Variants in FGGY observed in about 807,000 individuals in gnomAD.
FGGY encodes FGGY carbohydrate kinase domain-containing protein.
Under a neutral mutation model 71.3 loss-of-function variants are expected in FGGY, and 72 were observed. The observed-to-expected ratio is 1.01, with a 90% CI of 0.84 to 1.23. The LOEUF (loss-of-function observed/expected upper bound fraction) is 1.23. Ranked by LOEUF, FGGY falls within the 50% of genes most tolerant of loss-of-function variation. FGGY has a pLI of 0.00. For synonymous variants in FGGY, 251 were observed against 250.3 expected (o/e 1.00, Z -0.02); for missense variants, 668 against 682.3 (o/e 0.98, Z 0.23).
At chr1:59,493,941 T>G (rs2093956740) in intron 6 of FGGY, among the ~76,000 whole-genome samples, 1 of 152,228 alleles carries the variant, frequency 6.6e-6, no homozygotes, top group Non-Finnish European at 1.5e-5. Context: ...CTATTATTTC[T>G]TAGTTTACAG....
intron 1 of FGGY, among the ~76,000 whole-genome samples, chr1:59,307,661 G>C (rs2043653311): frequency 6.6e-6 from 1 of 152,120 alleles, no homozygotes; most frequent in Non-Finnish European, 1.5e-5. Flanking sequence ...GTAAGATGAG[G>C]GTTGGCTCAA....
At chr1:59,676,440 G>C (rs4072736) in intron 14 of FGGY, among the ~76,000 whole-genome samples, 4,748 of 151,482 alleles carry the variant, frequency 0.031, 250 homozygotes, top group African/African-American at 0.11. Flanking sequence ...CAAATCAGGA[G>C]ATAGTCTGTA....
intron 4 of FGGY, among the ~76,000 whole-genome samples, chr1:59,354,271 G>GT (rs998793123): frequency 1.3e-5 from 2 of 152,024 alleles, no homozygotes; most frequent in Non-Finnish European, 2.9e-5. Flanking sequence ...TAGAGATGAG[G>GT]TTTTACCATG....
intron 5 of FGGY, among the ~76,000 whole-genome samples, chr1:59,380,419 A>G (rs2059267795): frequency 1.3e-5 from 2 of 151,548 alleles, no homozygotes; most frequent in South Asian, 4.1e-4. Context: ...CCAACAGTGT[A>G]AAAGTGTTCC....
intron 6 of FGGY, among the ~76,000 whole-genome samples, chr1:59,467,880 C>G (rs1027570235): frequency 6.7e-6 from 1 of 149,710 alleles, no homozygotes. Flanking sequence ...TCAATTGTTT[C>G]TTTCTTGTTT....
chr1:59,652,226 G>A (rs1485827953), intron 11 of FGGY, among the ~76,000 whole-genome samples: 5 of 147,822 alleles, frequency 3.4e-5, no homozygotes, highest in African/African-American at 1.2e-4. Flanking sequence ...TGACAATTAT[G>A]TGTCTTGGAG....
At chr1:59,727,797 T>C (rs2097966623) in intron 14 of FGGY, among the ~76,000 whole-genome samples, 1 of 152,134 alleles carries the variant, frequency 6.6e-6, no homozygotes, top group African/African-American at 2.4e-5. Flanking sequence ...TCTTCTGCTT[T>C]CTTTAGATTT....
At chr1:59,467,132 A>G (rs2092683647) in intron 6 of FGGY, among the ~76,000 whole-genome samples, 1 of 152,222 alleles carries the variant, frequency 6.6e-6, no homozygotes, top group African/African-American at 2.4e-5. Flanking sequence ...CTGAATTAAG[A>G]AAATGTAACA....
intron 13 of FGGY, among the ~76,000 whole-genome samples, chr1:59,672,560 T>C (rs2097390715): frequency 6.6e-6 from 1 of 152,218 alleles, no homozygotes; most frequent in South Asian, 2.1e-4. Flanking sequence ...CCACCCCACC[T>C]GACACCATGT....
intron 8 of FGGY, among the ~76,000 whole-genome samples, chr1:59,598,402 T>C (rs1247812619): frequency 6.6e-6 from 1 of 152,230 alleles, no homozygotes; most frequent in Non-Finnish European, 1.5e-5. Context: ...TTATCTGTGA[T>C]CACATATGAG....
At chr1:59,652,789 C>T (rs1292365603) in intron 11 of FGGY, among the ~76,000 whole-genome samples, 2 of 152,276 alleles carry the variant, frequency 1.3e-5, no homozygotes, top group Non-Finnish European at 2.9e-5. Context: ...TGTTCCGTTG[C>T]TGGTGAGGAA....
chr1:59,605,622 G>C lies in FGGY; in HGVS notation c.904-2181G>C, dbSNP rs2096616529. ...GTTAAAATATCCCTTTTGAAAAACT[G>C]TCCTTATTTGACAAAATTTAAAGTT... On this transcript the variant is annotated intron_variant, in intron 8 of 15. Coordinates refer to ENST00000303721, the MANE Select transcript of FGGY (RefSeq NM_018291.5). Among the ~76,000 whole-genome samples the C allele has an allele frequency of 2.0e-5, 3 of 151,978 alleles. No individual in the cohort carries two copies. The South Asian group carries it at 6.2e-4, about 32-fold the overall frequency.
chr1:59,463,617 G>A (rs909591250), intron 6 of FGGY, among the ~76,000 whole-genome samples: 17 of 150,880 alleles, frequency 1.1e-4, no homozygotes, highest in Non-Finnish European at 1.6e-4. Flanking sequence ...CAGGAAACCC[G>A]TCTCACGTGC....
At chr1:59,657,837 G>A (rs962367365) in intron 11 of FGGY, among the ~76,000 whole-genome samples, 1 of 152,196 alleles carries the variant, frequency 6.6e-6, no homozygotes, top group African/African-American at 2.4e-5. Context: ...TTTAGGGATG[G>A]TGGAGGGCAG....
At chr1:59,543,648 G>A (rs953744773) in intron 7 of FGGY, among the ~76,000 whole-genome samples, 3 of 152,154 alleles carry the variant, frequency 2.0e-5, no homozygotes, top group African/African-American at 7.2e-5. Context: ...TGGCATCAGA[G>A]GTTGGAGAGA....
intron 15 of FGGY, among the ~76,000 whole-genome samples, chr1:59,760,246 G>C (rs867977608): frequency 2.0e-5 from 3 of 152,134 alleles, no homozygotes; most frequent in Non-Finnish European, 4.4e-5. Flanking sequence ...ACTACCGTGA[G>C]GTACCACCTC....
chr1:59,380,125 T>G (rs1232063059), intron 5 of FGGY, among the ~76,000 whole-genome samples: 4 of 151,756 alleles, frequency 2.6e-5, no homozygotes, highest in Non-Finnish European at 5.9e-5. Flanking sequence ...GGACATGAAC[T>G]CATCCTTTCT....
At chr1:59,585,984 G>A (rs1296718429) in intron 8 of FGGY, among the ~76,000 whole-genome samples, 1 of 152,188 alleles carries the variant, frequency 6.6e-6, no homozygotes, top group South Asian at 2.1e-4. Flanking sequence ...ACACCAGTTA[G>A]AATGCCAATC....
intron 14 of FGGY, among the ~76,000 whole-genome samples, chr1:59,691,766 G>A (rs903795464): frequency 1.3e-5 from 2 of 150,482 alleles, no homozygotes; most frequent in African/African-American, 2.5e-5. Context: ...CCCCACATCC[G>A]TCCTTTGTGC....
Sources: gnomAD v4.1 joint callset for allele counts (sites outside exome capture counted in the v4.1 genomes callset) on GRCh38, gnomAD v4.1.1 for gene constraint, MANE v1.5 for transcripts, NCBI Gene and HGNC (gene_info 2026-07-23, HGNC 2026-07-21) for gene names.